The following IL12RB2 variants were observed in gnomAD, a reference collection of about 807,000 sequenced individuals.
IL12RB2 encodes the protein interleukin-12 receptor subunit beta-2.
IL12RB2 carries 82 observed loss-of-function variants against 89.4 expected under a neutral mutation model. The observed-to-expected ratio is 0.92, with a 90% CI of 0.77 to 1.10. The LOEUF is 1.10. IL12RB2 is among the 50% of genes least tolerant of loss of function. The pLI is 0.00. For missense variants in IL12RB2, 963 were observed against 1,031.9 expected (o/e 0.93, Z 0.92); for synonymous variants, 368 against 370.1 (o/e 0.99, Z 0.07).
At chr1:67,355,196 T>C (rs1014750975) in intron 10 of IL12RB2, among the ~76,000 whole-genome samples, 3 of 152,044 alleles carry the variant, frequency 2.0e-5, no homozygotes, top group Non-Finnish European at 2.9e-5. Context: ...GGTAGATCAC[T>C]TGAGGCCAGG....
At chr1:67,318,144 C>A (rs186872483) in intron 2 of IL12RB2, among the ~76,000 whole-genome samples, 11 of 152,252 alleles carry the variant, frequency 7.2e-5, no homozygotes, top group Middle Eastern at 3.4e-3. Context: ...GTCCTCTAGG[C>A]AGCAAAGGGC....
chr1:67,372,079 T>TGC (rs1663423200), intron 11 of IL12RB2, among the ~76,000 whole-genome samples: 1 of 121,882 alleles, frequency 8.2e-6, no homozygotes, highest in Non-Finnish European at 1.9e-5. Flanking sequence ...TGTGTGTGTC[T>TGC]GTGTGTGTGT....
intron 13 of IL12RB2, among the ~76,000 whole-genome samples, chr1:67,374,477 T>C (rs1042482736): frequency 2.2e-5 from 3 of 137,714 alleles, no homozygotes; most frequent in Admixed American, 7.3e-5. Flanking sequence ...CTGTTTATTC[T>C]TTTTTTTTTT....
intron 10 of IL12RB2, among the ~76,000 whole-genome samples, chr1:67,358,393 T>C (rs1263706499): frequency 6.6e-6 from 1 of 152,018 alleles, no homozygotes; most frequent in Non-Finnish European, 1.5e-5. Flanking sequence ...TTGGCCAACC[T>C]GGTGAAACCC....
chr1:67,335,216 G>T (rs1348183876), intron 8 of IL12RB2, among the ~76,000 whole-genome samples: 2 of 152,190 alleles, frequency 1.3e-5, no homozygotes, highest in Non-Finnish European at 2.9e-5. Flanking sequence ...AAAGAGTCCA[G>T]CAGAGAAGGA....
intron 8 of IL12RB2, among the ~76,000 whole-genome samples, chr1:67,336,365 C>T (rs1238921171): frequency 6.6e-6 from 1 of 152,154 alleles, no homozygotes; most frequent in African/African-American, 2.4e-5. Context: ...CCGGACACCA[C>T]CTGACAGTAG....
At chr1:67,349,495 G>A (rs1660594942) in intron 9 of IL12RB2, among the ~76,000 whole-genome samples, 1 of 152,174 alleles carries the variant, frequency 6.6e-6, no homozygotes, top group Non-Finnish European at 1.5e-5. Flanking sequence ...ACTCTAAAAA[G>A]CACTTGCTTA....
chr1:67,312,147 A>G (rs1655146439), intron 1 of IL12RB2, among the ~76,000 whole-genome samples: 2 of 152,222 alleles, frequency 1.3e-5, no homozygotes, highest in Non-Finnish European at 2.9e-5. Flanking sequence ...GTTACCTGCC[A>G]TGGTGACAGA....
rs148003363 is a variant in IL12RB2 at position 67,328,283 on chromosome 1, C to A, written c.563C>A (p.Thr188Asn). Residue 188 changes from threonine (T) to asparagine (N), a missense_variant, in exon 6 of 17, where the codon ACC (threonine) becomes AAC (asparagine). By Grantham distance (65) the Thr-to-Asn change is moderately conservative (BLOSUM62 0). Coordinates refer to ENST00000674203, the MANE Select transcript of IL12RB2 (RefSeq NM_001374259.2). ...CDYLDFGINL[T>N]PESPESNFTA... Reference sequence around the variant, plus strand: ...TATTTGGACTTTGGAATCAACCTCACCCCTGAATCACCTGAATCCAATTTC... The same window carrying A: ...TATTTGGACTTTGGAATCAACCTCAACCCTGAATCACCTGAATCCAATTTC... 8 of 1,614,052 alleles carry A rather than the reference C, an allele frequency of 5.0e-6. No homozygotes were observed. Among genetic ancestry groups the A allele is most frequent in the Non-Finnish European group, 6.8e-6 (8 of 1,180,018 alleles).
intron 10 of IL12RB2, among the ~76,000 whole-genome samples, chr1:67,360,614 G>A (rs1355334437): frequency 6.6e-6 from 1 of 151,876 alleles, no homozygotes; most frequent in African/African-American, 2.4e-5. Context: ...TGGCCAACAT[G>A]GCAAAACCCT....
In IL12RB2 at chr1:67,395,535, C is replaced by T; in HGVS notation, c.2047-12C>T. 1 of 1,614,224 alleles carries T rather than the reference C, an allele frequency of 6.2e-7. No individual in the cohort carries two copies. The highest frequency in any genetic ancestry group is 2.2e-5 in the East Asian group (1 of 44,876). On this transcript the variant is annotated splice_polypyrimidine_tract_variant and intron_variant, in intron 16 of 16. Coordinates refer to ENST00000674203, the MANE Select transcript of IL12RB2 (RefSeq NM_001374259.2). ...ACAGCAGTGTGAGCCTCTTCCTCCT[C>T]CTTTCTCTCAGGAGAAGACACAGCT... is the stretch of plus-strand genomic sequence containing the variant.
At chr1:67,312,980 C>T (rs10127949) in intron 1 of IL12RB2, among the ~76,000 whole-genome samples, 4,019 of 152,302 alleles carry the variant, frequency 0.026, 182 homozygotes, top group African/African-American at 0.092. Context: ...TTTTACTTTC[C>T]TTCCCCTTCA....
Position 67,329,681 on chromosome 1 carries a change from G to T in IL12RB2, c.759G>T (p.Leu253=). ...ATTGGAGAGATGAGGGACTGGTACT[G>T]CTTAATCGACTCAGATATCGGCCCA... ...TLYWRDEGLV[L]LNRLRYRPSN... Residue 253 remains leucine, a synonymous_variant, in exon 7 of 17, where the codon CTG becomes CTT. Coordinates refer to ENST00000674203, the MANE Select transcript of IL12RB2 (RefSeq NM_001374259.2). 6.2e-7 allele frequency: 1 copy of T among 1,601,272 alleles called. No homozygotes were observed. Among genetic ancestry groups the T allele is most frequent in the African/African-American group, 1.3e-5 (1 of 74,800 alleles).
chr1:67,373,001 C>G (rs185340665), intron 13 of IL12RB2, among the ~76,000 whole-genome samples: 2 of 152,280 alleles, frequency 1.3e-5, no homozygotes, highest in African/African-American at 4.8e-5. Context: ...ATGTGCCAAG[C>G]AAATTGCTAA....
intron 4 of IL12RB2, among the ~76,000 whole-genome samples, chr1:67,324,016 A>G (rs1656941702): frequency 6.6e-6 from 1 of 152,248 alleles, no homozygotes. Context: ...ATTAACAAGA[A>G]AACTAAACAA....
Position 67,350,954 on chromosome 1 carries a change from C to T in IL12RB2, c.1123C>T (p.Gln375Ter). ...QELTGGKAMT[Q>*]NITGHTSWTT... The stretch of plus-strand genomic sequence containing the variant: ...GCTGACAGGAGGGAAAGCCATGACA[C>T]AGAACATCACAGGACACACCTCCTG... Residue 375 changes from glutamine to a stop codon, truncating the protein, a stop_gained, in exon 10 of 17, where the codon CAG becomes TAG. Transcript: ENST00000674203. LOFTEE classifies it high-confidence loss of function. 6.2e-7 allele frequency: 1 copy of T among 1,614,168 alleles called. No individual in the cohort carries two copies. The highest frequency in any genetic ancestry group is 8.5e-7 in the Non-Finnish European group (1 of 1,180,010).
chr1:67,321,220 G>A (rs941145503), intron 3 of IL12RB2, among the ~76,000 whole-genome samples: 1 of 152,022 alleles, frequency 6.6e-6, no homozygotes, highest in Non-Finnish European at 1.5e-5. Context: ...AAATGGTGAT[G>A]GAAACAAATG....
Position 67,348,788 on chromosome 1 carries a change from C to T in IL12RB2, c.1039-2082C>T, listed in dbSNP as rs144633564. Reference sequence around the variant, plus strand: ...TTTTTGTTCCATCGACCCTGTCAGACGAGTTAGGCTTGTTTTTCAATTTGA... The same window carrying T: ...TTTTTGTTCCATCGACCCTGTCAGATGAGTTAGGCTTGTTTTTCAATTTGA... On this transcript the variant is annotated intron_variant, in intron 9 of 16. Coordinates refer to ENST00000674203, the MANE Select transcript of IL12RB2 (RefSeq NM_001374259.2). Among the ~76,000 whole-genome samples, 6 of 152,238 alleles carry T rather than the reference C, an allele frequency of 3.9e-5. No individual in the cohort carries two copies. In the East Asian group the frequency reaches 5.8e-4, roughly 15 times the overall value.
intron 4 of IL12RB2, among the ~76,000 whole-genome samples, chr1:67,323,141 G>GAT (rs61052076): frequency 1.8e-4 from 27 of 151,614 alleles, no homozygotes; most frequent in African/African-American, 5.3e-4. Context: ...GACCTATAAG[G>GAT]ATATATATAT....
Sources: allele counts gnomAD v4.1 joint callset (sites outside exome capture counted in the v4.1 genomes callset), GRCh38; gene constraint gnomAD v4.1.1; transcripts MANE v1.5; gene names NCBI Gene and HGNC (gene_info 2026-07-23, HGNC 2026-07-21).